The following VWF variants were observed in gnomAD, a reference collection of about 807,000 sequenced individuals.
VWF encodes Factor VIII related antigen.
In VWF, 176 loss-of-function variants were observed where a neutral mutation model predicts 308.6. That is an observed-to-expected ratio of 0.57 (90% CI 0.50 to 0.65). The LOEUF is 0.65. Ranked by LOEUF, VWF falls within the 30% of genes least tolerant of loss-of-function variation. The pLI is 0.00. For missense variants in VWF, 3,146 were observed against 3,648.2 expected (o/e 0.86, Z 3.55); for synonymous variants, 1,385 against 1,443.4 (o/e 0.96, Z 0.92).
chr12:6,116,572 C>T (rs1734885674), intron 3 of VWF, among the ~76,000 whole-genome samples: 1 of 152,188 alleles, frequency 6.6e-6, no homozygotes, highest in Non-Finnish European at 1.5e-5. Flanking sequence ...TTGTTGATGG[C>T]TCTCTCTTGG....
intron 34 of VWF, among the ~76,000 whole-genome samples, chr12:6,006,377 T>C (rs1943927040): frequency 6.6e-6 from 1 of 152,154 alleles, no homozygotes; most frequent in African/African-American, 2.4e-5. Flanking sequence ...TGAAAATAAT[T>C]ACAAAATGGC....
chr12:6,057,426 C>T (rs555721510), intron 14 of VWF, among the ~76,000 whole-genome samples: 1 of 148,694 alleles, frequency 6.7e-6, no homozygotes, highest in East Asian at 2.0e-4. Flanking sequence ...GCAACCGTCC[C>T]ACGTAGCTCC....
intron 45 of VWF, among the ~76,000 whole-genome samples, chr12:5,968,956 A>G (rs988296806): frequency 1.3e-5 from 2 of 152,190 alleles, no homozygotes; most frequent in Non-Finnish European, 2.9e-5. Flanking sequence ...ACGTCACAGC[A>G]TTTCAAAGGT....
chr12:5,992,800 C>G (rs1047483886), intron 37 of VWF, among the ~76,000 whole-genome samples: 1 of 152,166 alleles, frequency 6.6e-6, no homozygotes. Flanking sequence ...TTTGGAGCAC[C>G]AAAGATTTCC....
intron 3 of VWF, among the ~76,000 whole-genome samples, chr12:6,120,737 G>A (rs1945420560): frequency 6.6e-6 from 1 of 152,186 alleles, no homozygotes; most frequent in Non-Finnish European, 1.5e-5. Flanking sequence ...GGACATGGCA[G>A]GGACAGTACC....
At chr12:6,040,232 T>A (rs1278988353) in intron 18 of VWF, among the ~76,000 whole-genome samples, 1 of 152,094 alleles carries the variant, frequency 6.6e-6, no homozygotes, top group Non-Finnish European at 1.5e-5. Context: ...TATTCTAACT[T>A]AAAGAGATGG....
chr12:5,985,225 G>C lies in VWF; in HGVS notation c.6902-106C>G, dbSNP rs557497922. 50 of 1,181,462 alleles carry C rather than the reference G, an allele frequency of 4.2e-5. No homozygotes were observed. In the African/African-American group the frequency reaches 6.6e-4, roughly 16 times the overall value. The allele number at this position is 1,181,462 out of a possible 1,614,324, so 73.2% of individuals were successfully genotyped here. ...CTGAAAACTAGTAGGAGTTCTGTAC[G>C]GTCATCCCACAAGGATCCAGGCCAC... On this transcript the variant is annotated intron_variant, in intron 39 of 51. Coordinates refer to ENST00000261405, the MANE Select transcript of VWF (RefSeq NM_000552.5).
At chr12:6,077,618 G>C (rs1473022671) in intron 6 of VWF, among the ~76,000 whole-genome samples, 1 of 152,236 alleles carries the variant, frequency 6.6e-6, no homozygotes, top group African/African-American at 2.4e-5. Flanking sequence ...ATGACCTGTG[G>C]AAATGACCAG....
rs1261197997 is a variant in VWF, at chr12:6,115,221, A to G, written c.221-4253T>C. Among the ~76,000 whole-genome samples the G allele has an allele frequency of 3.9e-5, 6 of 152,016 alleles. No individual in the cohort carries two copies. In the East Asian group the frequency reaches 1.2e-3, roughly 29 times the overall value. On this transcript the variant is annotated intron_variant, in intron 3 of 51. Coordinates refer to ENST00000261405, the MANE Select transcript of VWF (RefSeq NM_000552.5). ...CCAGCTAATTTTTGTATATTTTTGT[A>G]CAGATGGGGGTCTCGCTATGTTGCC...
At chr12:5,955,617 T>A (rs1336215560) in intron 47 of VWF, among the ~76,000 whole-genome samples, 3 of 152,070 alleles carry the variant, frequency 2.0e-5, no homozygotes, top group African/African-American at 7.2e-5. Flanking sequence ...CAGTCTATCA[T>A]TGTTGGACAT....
intron 20 of VWF, among the ~76,000 whole-genome samples, chr12:6,033,980 T>C (rs1024209621): frequency 1.3e-5 from 2 of 152,218 alleles, no homozygotes; most frequent in African/African-American, 4.8e-5. Flanking sequence ...GCTTACACAG[T>C]TGATGTCAAC....
At chr12:6,091,259 G>C (rs1227526623) in intron 6 of VWF, among the ~76,000 whole-genome samples, 1 of 145,910 alleles carries the variant, frequency 6.9e-6, no homozygotes, top group Admixed American at 6.9e-5. Context: ...CAGCTAAAAC[G>C]AAGCTTCCTC....
chr12:5,985,112 C>G lies in VWF; in HGVS notation c.6909G>C (p.Thr2303=), dbSNP rs371531354. 6.2e-7 allele frequency: 1 copy of G among 1,614,138 alleles called. No individual in the cohort carries two copies. The highest frequency in any genetic ancestry group is 1.1e-5 in the South Asian group (1 of 91,076). Residue 2303 remains threonine (T), a synonymous_variant, in exon 40 of 52, where the codon ACG becomes ACC. Transcript: ENST00000261405. ...TQPCPTAKAP[T]CGLCEVARLR... ...GGCGGGCTACTTCACACAGGCCACA[C>G]GTGGGAGCTAGAGGAGAGGAACGGC... is the stretch of plus-strand genomic sequence containing the variant.
At position 6,110,888 on chromosome 12, in the gene VWF, T is replaced by C. The variant is rs1475875021; in HGVS notation, c.301A>G (p.Thr101Ala). ...FFDIHLFVNG[T>A]VTQGDQRVSM... ...TACCTTTGGTCCCCCTGTGTCACGG[T>C]ACCATTGACAAACAAATGGATGTCA... Residue 101 changes from threonine (T) to alanine (A), a missense_variant, in exon 4 of 52, where the codon ACC becomes GCC. Thr to Ala is a moderately conservative substitution (Grantham distance 58). Transcript: ENST00000261405. The C allele has an allele frequency of 1.2e-6, 2 of 1,614,110 alleles. No individual in the cohort carries two copies. The highest frequency in any genetic ancestry group is 2.2e-5 in the East Asian group (1 of 44,878).
In VWF at chr12:6,072,339, G is replaced by A. The variant is rs778879639; in HGVS notation, c.1101C>T (p.Cys367=). The part of the protein sequence containing the change: ...YPPGTSLSRD[C]NTCICRNSQW... The stretch of plus-strand genomic sequence containing the variant: ...TGCGCAGCCCCCATTACCAGGTGTT[G>A]CAGTCTCGAGAGAGGGAGGTGCCGG... The change falls in exon 9 of 52, where the codon TGC becomes TGT. Residue 367 remains cysteine, a synonymous_variant. Coordinates refer to ENST00000261405, the MANE Select transcript of VWF (RefSeq NM_000552.5). The A allele has an allele frequency of 8.7e-6, 14 of 1,613,862 alleles. No homozygotes were observed. Among genetic ancestry groups the A allele is most frequent in the Non-Finnish European group, 1.1e-5 (13 of 1,179,976 alleles).
At chr12:6,044,505 C>T (rs546701295) in intron 17 of VWF, 54 bp from the exon 18 acceptor site, 2 of 1,584,980 alleles carry the variant, frequency 1.3e-6, no homozygotes, top group African/African-American at 1.3e-5. Flanking sequence ...ATGGACCTAC[C>T]TTCCACACTG....
intron 38 of VWF, among the ~76,000 whole-genome samples, chr12:5,986,520 A>G (rs140088789): frequency 6.6e-6 from 1 of 152,360 alleles, no homozygotes; most frequent in Non-Finnish European, 1.5e-5. Flanking sequence ...AGAAGTTCCC[A>G]GGTCAAGAAG....
In VWF at chr12:6,071,302, C is replaced by T. The variant is rs775101417; in HGVS notation, c.1151G>A (p.Cys384Tyr). The T allele has an allele frequency of 1.2e-6, 2 of 1,614,054 alleles. No homozygotes were observed. Among genetic ancestry groups the T allele is most frequent in the African/African-American group, 1.3e-5 (1 of 74,942 alleles). ...ATGAGCGGCAGGTCGCCTACCTGGA[C>T]ATTCTTCATTGCTGCAGATCCACTG... ...NSQWICSNEECPGECLVTGQS... is the reference protein window; with the variant it reads ...NSQWICSNEEYPGECLVTGQS... The change falls in exon 10 of 52, where the codon TGT becomes TAT. Residue 384 changes from cysteine (C) to tyrosine (Y), a missense_variant. This residue lies in a region of VWF where 1,304 missense variants were observed against 1,353.0 expected (regional missense o/e 0.96). Coordinates refer to ENST00000261405, the MANE Select transcript of VWF (RefSeq NM_000552.5).
In VWF at chr12:6,089,988, C is replaced by T. The variant is rs1945013092; in HGVS notation, c.657+5472G>A. On this transcript the variant is annotated intron_variant, in intron 6 of 51. Coordinates refer to ENST00000261405, the MANE Select transcript of VWF (RefSeq NM_000552.5). ...TTTTTTTTTGTTTGAGATGGAGTCT[C>T]GCTGTGTCACCCAGGCTGGAGTGCA... Among the ~76,000 whole-genome samples, 13 of 151,872 alleles carry T rather than the reference C, an allele frequency of 8.6e-5. No homozygotes were observed. The South Asian group carries it at 2.5e-3, about 29-fold the overall frequency.
Sources: gnomAD v4.1 joint callset for allele counts (sites outside exome capture counted in the v4.1 genomes callset) on GRCh38, gnomAD v4.1.1 for gene constraint, gnomAD v4.1.1 regional missense constraint, MANE v1.5 for transcripts, NCBI Gene and HGNC (gene_info 2026-07-23, HGNC 2026-07-21) for gene names.